The following ZNF316 variants were observed in gnomAD, a reference collection of about 807,000 sequenced individuals.
The protein encoded by ZNF316 is zinc finger protein 316.
Under a neutral mutation model 75.6 loss-of-function variants are expected in ZNF316, and 23 were observed. The ratio of observed to expected loss-of-function variants is 0.30; its 90% CI spans 0.22 to 0.43. The LOEUF (loss-of-function observed/expected upper bound fraction) is 0.43, where lower values mean the gene tolerates loss of function less well. Among genes scored for constraint, ZNF316 ranks in the 20% least tolerant of loss-of-function variants. The pLI, the probability that ZNF316 is intolerant of heterozygous loss-of-function variation, is 1.00. For synonymous variants in ZNF316, 827 were observed against 666.2 expected (o/e 1.24, Z -3.72); for missense variants, 1,266 against 1,409.4 (o/e 0.90, Z 1.63).
At position 6,653,132 on chromosome 7, in the gene ZNF316, G is replaced by A. The variant is rs1779542745; in HGVS notation, c.1536G>A (p.Ala512=). ...RHRRGGGCAE[A]GGDGPRREPG... ...GACGCGGCGGGGGCTGCGCGGAGGC[G>A]GGTGGTGACGGCCCCCGGCGGGAGC... The change falls in exon 9 of 9, where the codon GCG becomes GCA. Residue 512 remains alanine, a synonymous_variant. Transcript: ENST00000382252. 1.7e-6 allele frequency: 2 copies of A among 1,170,186 alleles called. No homozygotes were observed. Among genetic ancestry groups the A allele is most frequent in the Non-Finnish European group, 2.1e-6 (2 of 949,010 alleles). 72.5% of individuals were successfully genotyped at this position (1,170,186 alleles called of 1,614,324 possible).
At chr7:6,647,659 T>C (rs1017821215) in intron 8 of ZNF316, among the ~76,000 whole-genome samples, 1 of 152,220 alleles carries the variant, frequency 6.6e-6, no homozygotes. Context: ...GCCAACTCCG[T>C]GGACTCGCCG....
Position 6,653,840 on chromosome 7 carries a change from G to C in ZNF316, c.2244G>C (p.Pro748=). ...CACACACCGGCGAGCGGCCCTTCCC[G>C]TGCCCCGAGTGCGGCGCGCGGTTCG... ...RRTHTGERPF[P]CPECGARFAR... The change falls in exon 9 of 9, where the codon CCG becomes CCC. Residue 748 remains proline (P), a synonymous_variant. Transcript: ENST00000382252. 2 of 1,079,538 alleles carry C rather than the reference G, an allele frequency of 1.9e-6. No individual in the cohort carries two copies. The highest frequency in any genetic ancestry group is 2.2e-6 in the Non-Finnish European group (2 of 889,036). The allele number at this position is 1,079,538 out of a possible 1,614,324, so 66.9% of individuals were successfully genotyped here. A position where few individuals can be genotyped will look rare whatever the true frequency, so the allele number is the denominator to read the frequency against.
At chr7:6,650,567 C>G (rs946248618) in intron 8 of ZNF316, among the ~76,000 whole-genome samples, 1 of 152,206 alleles carries the variant, frequency 6.6e-6, no homozygotes, top group Admixed American at 6.5e-5. Context: ...GGCATGCAGC[C>G]TGGCAGGGGC....
chr7:6,639,512 G>T lies in ZNF316; in HGVS notation c.-167+371G>T, dbSNP rs1779276885. 6.6e-6 allele frequency among the ~76,000 whole-genome samples: 1 copy of T among 152,214 alleles called. No individual in the cohort carries two copies. Among genetic ancestry groups the T allele is most frequent in the Non-Finnish European group, 1.5e-5 (1 of 68,034 alleles). ...CTCAGAAGACCACCCAGGAAAAGGG[G>T]AAGAGAGTTCTGGGGATGGGGAATA... On this transcript the variant is annotated intron_variant, in intron 3 of 8. Transcript: ENST00000382252. The surrounding 1 kb of genome is among the most constrained non-coding windows in gnomAD (Gnocchi z 4.2).
rs958164858 is a variant in ZNF316 at position 6,637,735 on chromosome 7, C to T, written c.-430-111C>T. 2 of 151,862 alleles carry T rather than the reference C, an allele frequency of 1.3e-5. No individual in the cohort carries two copies. Among genetic ancestry groups the T allele is most frequent in the Non-Finnish European group, 2.9e-5 (2 of 67,942 alleles). The allele number at this position is 151,862 out of a possible 1,614,324, so 9.4% of individuals were successfully genotyped here. Reference sequence around the variant, plus strand: ...GGCGGAGGGGGCAGGCCCGGGAGGCCACGCGTGACACCTCGGGGTGCCCGC... The same window carrying T: ...GGCGGAGGGGGCAGGCCCGGGAGGCTACGCGTGACACCTCGGGGTGCCCGC... On this transcript the variant is annotated intron_variant, in intron 1 of 8. Coordinates refer to ENST00000382252, the MANE Select transcript of ZNF316 (RefSeq NM_001278559.2). This position sits in a 1 kb window ranked among gnomAD's most constrained non-coding sequence, Gnocchi z 6.2.
intron 6 of ZNF316, 76 bp downstream of exon 6, chr7:6,643,149 G>A: frequency 1.6e-6 from 2 of 1,230,490 alleles, no homozygotes; most frequent in Non-Finnish European, 2.0e-6. Context: ...CTGCTGTTTG[G>A]AGGCGTCTGT....
rs1479766952 is a variant in ZNF316, at chr7:6,642,892, G to T, written c.356-72G>T. Reference sequence around the variant, plus strand: ...GCTGAAACCCAGCTTTGCAATGAGGGTGTTGCCAGGGCTCCTGGCCCTGCA... The same window carrying T: ...GCTGAAACCCAGCTTTGCAATGAGGTTGTTGCCAGGGCTCCTGGCCCTGCA... On this transcript the variant is annotated intron_variant, in intron 5 of 8. Coordinates refer to ENST00000382252, the MANE Select transcript of ZNF316 (RefSeq NM_001278559.2). The surrounding 1 kb of genome is among the most constrained non-coding windows in gnomAD (Gnocchi z 8.1). 29 of 1,232,238 alleles carry T rather than the reference G, an allele frequency of 2.4e-5. No homozygotes were observed. Among genetic ancestry groups the T allele is most frequent in the Admixed American group, 4.2e-5 (1 of 23,694 alleles). The allele number at this position is 1,232,238 out of a possible 1,614,324, so 76.3% of individuals were successfully genotyped here. A position where few individuals can be genotyped will look rare whatever the true frequency, so the allele number is the denominator to read the frequency against.
chr7:6,644,922 G>A (rs550052214), intron 8 of ZNF316, among the ~76,000 whole-genome samples: 1 of 152,346 alleles, frequency 6.6e-6, no homozygotes, highest in African/African-American at 2.4e-5. Flanking sequence ...CCATCGCGGA[G>A]GCCTTTCTGA....
rs1779587082 is a variant in ZNF316 at position 6,654,707 on chromosome 7, TCC to T, written c.*98_*99del. ...TCCTCGGGCCCCGGGAGGCTGAGGG[TCC>T]CAGTCCTGGGTGCGGTGCCTTCCCT... On this transcript the variant is annotated 3_prime_UTR_variant, in exon 9 of 9. Transcript: ENST00000382252. 9.5e-6 allele frequency: 10 copies of T among 1,052,648 alleles called. No individual in the cohort carries two copies. In the South Asian group the frequency reaches 4.7e-4, roughly 50 times the overall value. The allele number at this position is 1,052,648 out of a possible 1,614,324, so 65.2% of individuals were successfully genotyped here.
chr7:6,648,656 G>C lies in ZNF316; in HGVS notation c.707-3647G>C, dbSNP rs142931511. Among the ~76,000 whole-genome samples, 73 of 152,334 alleles carry C rather than the reference G, an allele frequency of 4.8e-4. 1 individual carries two copies. In the East Asian group the frequency reaches 0.014, roughly 29 times the overall value. On this transcript the variant is annotated intron_variant, in intron 8 of 8. Transcript: ENST00000382252. ...GGCCTTGCCCAAGGTCCTATGGCCA[G>C]TGCGTCATAGGAGTGGAATTCACAC...
chr7:6,651,618 C>T (rs371261535), intron 8 of ZNF316, among the ~76,000 whole-genome samples: 2 of 151,802 alleles, frequency 1.3e-5, no homozygotes, highest in Non-Finnish European at 2.9e-5. Context: ...AAAAAAAAAG[C>T]CGGGCGTGGT....
At position 6,642,815 on chromosome 7, in the gene ZNF316, C is replaced by T; in HGVS notation, c.355+51C>T. 2 of 1,232,234 alleles carry T rather than the reference C, an allele frequency of 1.6e-6. No homozygotes were observed. Among genetic ancestry groups the T allele is most frequent in the African/African-American group, 1.6e-5 (1 of 64,516 alleles). The allele number at this position is 1,232,234 out of a possible 1,614,324, so 76.3% of individuals were successfully genotyped here. A position where few individuals can be genotyped will look rare whatever the true frequency, so the allele number is the denominator to read the frequency against. On this transcript the variant is annotated intron_variant, in intron 5 of 8. Transcript: ENST00000382252. The surrounding 1 kb of genome is among the most constrained non-coding windows in gnomAD (Gnocchi z 8.1). ...AGGAGATGAAGGGGGCTGAGGTGGGCCAGGCCAGGGACCTGGTCAAGCCAG... is the reference window on the plus strand; with the variant it reads ...AGGAGATGAAGGGGGCTGAGGTGGGTCAGGCCAGGGACCTGGTCAAGCCAG...
In ZNF316 at chr7:6,653,945, G is replaced by C. The variant is rs1779568562; in HGVS notation, c.2349G>C (p.Gly783=). 15 of 1,152,634 alleles carry C rather than the reference G, an allele frequency of 1.3e-5. No individual in the cohort carries two copies. In the East Asian group the frequency reaches 5.9e-4, roughly 45 times the overall value. The allele number at this position is 1,152,634 out of a possible 1,614,324, so 71.4% of individuals were successfully genotyped here. The stretch of plus-strand genomic sequence containing the variant: ...TCGTGTGCGGCGTGTGCGGTGCGGG[G>C]TTCAGCCGTCGCGCGCACTTGACGG... ...KPFVCGVCGA[G]FSRRAHLTAH... The change falls in exon 9 of 9, where the codon GGG becomes GGC. Residue 783 remains glycine, a synonymous_variant. Transcript: ENST00000382252.
Position 6,654,333 on chromosome 7 carries a change from C to T in ZNF316, c.2737C>T (p.Arg913Trp). The T allele has an allele frequency of 8.2e-7, 1 of 1,222,078 alleles. No homozygotes were observed. Among genetic ancestry groups the T allele is most frequent in the Non-Finnish European group, 1.0e-6 (1 of 981,444 alleles). The allele number at this position is 1,222,078 out of a possible 1,614,324, so 75.7% of individuals were successfully genotyped here. Residue 913 changes from arginine to tryptophan, a missense_variant, in exon 9 of 9, where the codon CGG becomes TGG. Coordinates refer to ENST00000382252, the MANE Select transcript of ZNF316 (RefSeq NM_001278559.2). ...VTHQRTHTGE[R>W]PYACANCGRR... ...GCACCAGCGCACACATACGGGCGAGCGGCCCTACGCCTGCGCCAACTGCGG... is the reference window on the plus strand; with the variant it reads ...GCACCAGCGCACACATACGGGCGAGTGGCCCTACGCCTGCGCCAACTGCGG...
Position 6,641,622 on chromosome 7 carries a change from C to T in ZNF316, c.-166-203C>T, listed in dbSNP as rs572977551. ...TACTGATGTCAGTGAGAGAGTAGGA[C>T]GCTGTAGCCTCTAGGGCTTTGGTAA... On this transcript the variant is annotated intron_variant, in intron 3 of 8. Coordinates refer to ENST00000382252, the MANE Select transcript of ZNF316 (RefSeq NM_001278559.2). 1.2e-4 allele frequency among the ~76,000 whole-genome samples: 19 copies of T among 152,350 alleles called. No individual in the cohort carries two copies. In the East Asian group the frequency reaches 2.3e-3, roughly 19 times the overall value.
chr7:6,654,391 C>G lies in ZNF316; in HGVS notation c.2795C>G (p.Thr932Ser). ...RRFSQSSHLLTHMKTHRGATA... is the reference protein window; with the variant it reads ...RRFSQSSHLLSHMKTHRGATA... ...TTCTCGCAGAGCTCGCACTTGCTCA[C>G]CCACATGAAGACGCACCGCGGAGCC... The change falls in exon 9 of 9, where the codon ACC becomes AGC. Residue 932 changes from threonine (T) to serine (S), a missense_variant. Physicochemically the swap from Thr to Ser is moderately conservative, Grantham distance 58 (BLOSUM62 1). Around this residue, in one of 3 missense-constraint regions of ZNF316, gnomAD observed 194 missense variants for 319.2 expected, o/e 0.61. Transcript: ENST00000382252. 1 of 1,217,032 alleles carries G rather than the reference C, an allele frequency of 8.2e-7. No homozygotes were observed. The allele number at this position is 1,217,032 out of a possible 1,614,324, so 75.4% of individuals were successfully genotyped here.
In ZNF316 at chr7:6,652,586, G is replaced by A; in HGVS notation, c.990G>A (p.Trp330Ter). 8.1e-7 allele frequency: 1 copy of A among 1,230,666 alleles called. No homozygotes were observed. Among genetic ancestry groups the A allele is most frequent in the Non-Finnish European group, 1.0e-6 (1 of 987,172 alleles). 76.2% of individuals were successfully genotyped at this position (1,230,666 alleles called of 1,614,324 possible). ...CGGGTGCGAACCTGCTGTCGCCCTG[G>A]GCGTTCCCCGCCGCAGTGGCCCCGC... ...REPGANLLSP[W>*]AFPAAVAPPA... Residue 330 changes from tryptophan (W) to a stop codon, truncating the protein, a stop_gained, in exon 9 of 9, where the codon TGG becomes TGA. Coordinates refer to ENST00000382252, the MANE Select transcript of ZNF316 (RefSeq NM_001278559.2). LOFTEE classifies it high-confidence loss of function.
Position 6,653,963 on chromosome 7 carries a change from C to G in ZNF316, c.2367C>G (p.His789Gln). Residue 789 changes from histidine (H) to glutamine (Q), a missense_variant, in exon 9 of 9, where the codon CAC (histidine) becomes CAG (glutamine). Physicochemically the swap from His to Gln is conservative, Grantham distance 24 (BLOSUM62 0). This residue lies in a region of ZNF316 where 194 missense variants were observed against 319.2 expected (regional missense o/e 0.61). Coordinates refer to ENST00000382252, the MANE Select transcript of ZNF316 (RefSeq NM_001278559.2). ...VCGAGFSRRAHLTAHGRAHTG... is the reference protein window; with the variant it reads ...VCGAGFSRRAQLTAHGRAHTG... ...GTGCGGGGTTCAGCCGTCGCGCGCA[C>G]TTGACGGCGCACGGGCGCGCGCACA... 8.6e-7 allele frequency: 1 copy of G among 1,164,836 alleles called. No individual in the cohort carries two copies. The highest frequency in any genetic ancestry group is 1.1e-6 in the Non-Finnish European group (1 of 945,602). 72.2% of individuals were successfully genotyped at this position (1,164,836 alleles called of 1,614,324 possible).
chr7:6,655,701 G>A lies in ZNF316; in HGVS notation c.*1090G>A, dbSNP rs1367392003. 6.6e-6 allele frequency: 1 copy of A among 152,266 alleles called. No homozygotes were observed. The highest frequency in any genetic ancestry group is 2.4e-5 in the African/African-American group (1 of 41,472). The allele number at this position is 152,266 out of a possible 1,614,324, so 9.4% of individuals were successfully genotyped here. ...TTCTGTCATTACACTAGAACAAGTA[G>A]TGTTTCTGTTTAGAGTCCCATTTCA... On this transcript the variant is annotated 3_prime_UTR_variant, in exon 9 of 9. Transcript: ENST00000382252.
Sources: allele counts gnomAD v4.1 joint callset (sites outside exome capture counted in the v4.1 genomes callset), GRCh38; gene constraint gnomAD v4.1.1; regional missense constraint gnomAD v4.1.1; non-coding constraint Gnocchi (gnomAD v3.1); transcripts MANE v1.5; gene names NCBI Gene and HGNC (gene_info 2026-07-23, HGNC 2026-07-21).